Variants in TRPM3 observed in about 807,000 individuals in gnomAD.
TRPM3 encodes the protein transient receptor potential cation channel subfamily M member 3, also known as long transient receptor potential channel 3.
Under a neutral mutation model 181.2 loss-of-function variants are expected in TRPM3, and 77 were observed. The observed-to-expected ratio is 0.42, with a 90% CI of 0.35 to 0.51. TRPM3 has a LOEUF of 0.51. Among genes scored for constraint, TRPM3 ranks in the 20% least tolerant of loss-of-function variants. TRPM3 has a pLI of 0.01. For missense variants in TRPM3, 1,759 were observed against 2,196.7 expected (o/e 0.80, Z 3.98); for synonymous variants, 745 against 796.4 (o/e 0.94, Z 1.09).
At chr9:71,319,251 C>T (rs1465855900) in intron 1 of TRPM3, among the ~76,000 whole-genome samples, 4 of 151,838 alleles carry the variant, frequency 2.6e-5, no homozygotes, top group South Asian at 2.1e-4. Context: ...GGTTAATGAC[C>T]GCTCGGCTGA....
intron 1 of TRPM3, among the ~76,000 whole-genome samples, chr9:71,050,833 C>T (rs750858723): frequency 6.6e-6 from 1 of 152,148 alleles, no homozygotes; most frequent in South Asian, 2.1e-4. Flanking sequence ...TATCTCTGGA[C>T]CTCACTTCAA....
At chr9:71,208,750 A>C (rs1381370099) in intron 1 of TRPM3, among the ~76,000 whole-genome samples, 1 of 152,218 alleles carries the variant, frequency 6.6e-6, no homozygotes, top group Non-Finnish European at 1.5e-5. Flanking sequence ...TCTCTAAATA[A>C]TTATATCATA....
intron 1 of TRPM3, among the ~76,000 whole-genome samples, chr9:71,431,111 C>T (rs113846905): frequency 7.9e-5 from 12 of 151,992 alleles, no homozygotes; most frequent in East Asian, 3.9e-4. Flanking sequence ...GTAATAACTT[C>T]CCCAAATTAA....
At position 70,534,128 on chromosome 9, in the gene TRPM3, T is replaced by G. The variant is rs2041263930; in HGVS notation, c.*1825A>C. Reference sequence around the variant, plus strand: ...TCTTTATCCCACTTCCAATCCAGATTCTGATCTAGAAGATTATGCCTCTAC... The same window carrying G: ...TCTTTATCCCACTTCCAATCCAGATGCTGATCTAGAAGATTATGCCTCTAC... On this transcript the variant is annotated 3_prime_UTR_variant, in exon 26 of 26. Transcript: ENST00000677713. 2 of 152,196 alleles carry G rather than the reference T, an allele frequency of 1.3e-5. No homozygotes were observed. The highest frequency in any genetic ancestry group is 4.1e-4 in the South Asian group (2 of 4,826). 9.4% of individuals were successfully genotyped at this position (152,196 alleles called of 1,614,324 possible).
At chr9:70,757,113 G>A (rs2077225486) in intron 8 of TRPM3, among the ~76,000 whole-genome samples, 1 of 152,102 alleles carries the variant, frequency 6.6e-6, no homozygotes, top group South Asian at 2.1e-4. Flanking sequence ...AGAAAAGAGA[G>A]AAGAATCGAA....
At chr9:70,659,362 G>C (rs960053620) in intron 9 of TRPM3, among the ~76,000 whole-genome samples, 3 of 152,032 alleles carry the variant, frequency 2.0e-5, no homozygotes, top group African/African-American at 7.2e-5. Flanking sequence ...TTTTATGTTG[G>C]GACCTCAAGA....
chr9:71,415,888 T>C (rs1442958615), intron 1 of TRPM3, among the ~76,000 whole-genome samples: 1 of 151,942 alleles, frequency 6.6e-6, no homozygotes, highest in East Asian at 1.9e-4. Context: ...GAAGATTATT[T>C]CCAAAAACAC....
intron 1 of TRPM3, among the ~76,000 whole-genome samples, chr9:71,388,195 G>T (rs867907950): frequency 2.6e-5 from 4 of 152,256 alleles, no homozygotes; most frequent in Middle Eastern, 6.8e-3. Flanking sequence ...CTTGAAGCTT[G>T]ACTTTCATGT....
At chr9:70,842,921 C>A (rs371688160) in intron 5 of TRPM3, 82 bp downstream of exon 5, 17 of 1,429,050 alleles carry the variant, frequency 1.2e-5, no homozygotes, top group African/African-American at 2.9e-5. Flanking sequence ...ATAATGTGCA[C>A]ATTTTGAATA....
chr9:70,787,763 C>CTTTTTTTTTTTTTTTTTTTTTTTCTT, intron 6 of TRPM3, among the ~76,000 whole-genome samples: 3 of 68,558 alleles, frequency 4.4e-5, no homozygotes, highest in African/African-American at 5.8e-5. Flanking sequence ...TTTTTGGATT[C>CTTTTTTTTTTTTTTTTTTTTTTTCTT]TTTTTTTTTT....
At chr9:70,944,180 G>C (rs1344413112) in intron 1 of TRPM3, among the ~76,000 whole-genome samples, 1 of 152,138 alleles carries the variant, frequency 6.6e-6, no homozygotes, top group Non-Finnish European at 1.5e-5. Context: ...GAACAAAGAA[G>C]GAAATCACTG....
chr9:71,366,337 T>C (rs1588684504), intron 1 of TRPM3, among the ~76,000 whole-genome samples: 1 of 151,970 alleles, frequency 6.6e-6, no homozygotes, highest in Non-Finnish European at 1.5e-5. Flanking sequence ...TTGGTGGGGG[T>C]ACCTGGGAGT....
chr9:70,898,025 G>A (rs533401323), intron 1 of TRPM3, among the ~76,000 whole-genome samples: 20 of 152,060 alleles, frequency 1.3e-4, no homozygotes, highest in African/African-American at 4.8e-4. Context: ...TAACATCCCC[G>A]ACCAGTGATA....
chr9:70,839,646 C>T (rs2094522420), intron 5 of TRPM3, among the ~76,000 whole-genome samples: 1 of 152,062 alleles, frequency 6.6e-6, no homozygotes, highest in East Asian at 1.9e-4. Flanking sequence ...GAAATGGAGC[C>T]TTTCTTTTAT....
At chr9:71,291,843 C>T (rs1406636901) in intron 1 of TRPM3, among the ~76,000 whole-genome samples, 1 of 152,042 alleles carries the variant, frequency 6.6e-6, no homozygotes, top group Non-Finnish European at 1.5e-5. Flanking sequence ...ACAAATAAAT[C>T]CTGAAACCAG....
chr9:71,237,433 T>G (rs906129704), intron 1 of TRPM3, among the ~76,000 whole-genome samples: 1 of 152,204 alleles, frequency 6.6e-6, no homozygotes, highest in Admixed American at 6.5e-5. Context: ...AAACCTGCTT[T>G]ATTTTCCTAC....
chr9:71,215,275 T>C (rs1247146964), intron 1 of TRPM3, among the ~76,000 whole-genome samples: 3 of 152,230 alleles, frequency 2.0e-5, no homozygotes, highest in Non-Finnish European at 4.4e-5. Flanking sequence ...ATGGAGGAGA[T>C]GTTGAAGAGT....
chr9:71,294,606 C>T (rs994471099), intron 1 of TRPM3, among the ~76,000 whole-genome samples: 2 of 152,004 alleles, frequency 1.3e-5, no homozygotes, highest in African/African-American at 4.8e-5. Flanking sequence ...ATTCAATGAC[C>T]AAGTATAAAC....
intron 8 of TRPM3, among the ~76,000 whole-genome samples, chr9:70,741,194 C>G (rs1255326873): frequency 6.6e-6 from 1 of 151,954 alleles, no homozygotes; most frequent in South Asian, 2.1e-4. Flanking sequence ...AAATGACCAC[C>G]AACACATATG....
Sources: allele counts gnomAD v4.1 joint callset (sites outside exome capture counted in the v4.1 genomes callset), GRCh38; gene constraint gnomAD v4.1.1; transcripts MANE v1.5; gene names NCBI Gene and HGNC (gene_info 2026-07-23, HGNC 2026-07-21).